TEX9: variants seen among roughly 807,000 people sequenced by gnomAD.
The protein encoded by TEX9 is testis-expressed protein 9.
Under a neutral mutation model 59.6 loss-of-function variants are expected in TEX9, and 74 were observed. The observed-to-expected ratio is 1.24, with a 90% CI of 1.03 to 1.51. The LOEUF (loss-of-function observed/expected upper bound fraction) is 1.51, where lower values mean the gene tolerates loss of function less well. TEX9 is among the 40% of genes most tolerant of loss of function. TEX9 has a pLI of 0.00. For synonymous variants in TEX9, 186 were observed against 152.2 expected (o/e 1.22, Z -1.64); for missense variants, 522 against 447.8 (o/e 1.17, Z -1.49).
intron 1 of TEX9, among the ~76,000 whole-genome samples, chr15:56,302,213 C>T (rs2045375733): frequency 6.6e-6 from 1 of 152,062 alleles, no homozygotes; most frequent in Admixed American, 6.6e-5. Context: ...ACAGTCTGGG[C>T]ACAGTGGCTC....
chr15:56,267,934 A>T (rs1271942590), intron 1 of TEX9, among the ~76,000 whole-genome samples: 1 of 152,128 alleles, frequency 6.6e-6, no homozygotes, highest in South Asian at 2.1e-4. Context: ...GGCCATTTTC[A>T]CGATATTGAT....
chr15:56,396,597 A>G (rs1460269170), intron 9 of TEX9: 1 of 136,620 alleles, frequency 7.3e-6, no homozygotes, highest in Admixed American at 7.9e-5. Context: ...CAGTTAGCAT[A>G]AAACATTTGA....
chr15:56,364,140 AT>A (rs200071666), upstream of TEX9, among the ~76,000 whole-genome samples: 33 of 149,904 alleles, frequency 2.2e-4, no homozygotes, highest in Admixed American at 6.6e-4. Flanking sequence ...TAGTTTATCT[AT>A]TTTTTTTTCC....
intron 1 of TEX9, among the ~76,000 whole-genome samples, chr15:56,302,190 C>A (rs373659226): frequency 6.6e-6 from 1 of 152,054 alleles, no homozygotes; most frequent in Non-Finnish European, 1.5e-5. Context: ...AACTTCAAAT[C>A]AAAAAACCTC....
intron 1 of TEX9, among the ~76,000 whole-genome samples, chr15:56,273,344 T>A (rs2044593932): frequency 2.0e-5 from 3 of 152,180 alleles, no homozygotes; most frequent in Admixed American, 2.0e-4. Flanking sequence ...ATAATGCATG[T>A]CTCAATTAAT....
At chr15:56,267,831 G>T (rs1238382804) in intron 1 of TEX9, among the ~76,000 whole-genome samples, 1 of 152,160 alleles carries the variant, frequency 6.6e-6, no homozygotes, top group Non-Finnish European at 1.5e-5. Flanking sequence ...GGTTCCATAT[G>T]AACTTTAAAG....
chr15:56,278,693 C>T (rs942594804), intron 1 of TEX9, among the ~76,000 whole-genome samples: 2 of 152,142 alleles, frequency 1.3e-5, no homozygotes, highest in Non-Finnish European at 2.9e-5. Context: ...TTTCCACTTT[C>T]CCCACAGGCC....
At chr15:56,300,517 T>G (rs887794744) in intron 1 of TEX9, among the ~76,000 whole-genome samples, 3 of 151,762 alleles carry the variant, frequency 2.0e-5, no homozygotes, top group Admixed American at 2.0e-4. Flanking sequence ...ATCTGCTGAT[T>G]GTAGAGCCCT....
At chr15:56,395,583 C>T in intron 9 of TEX9, 1 of 152,134 alleles carries the variant, frequency 6.6e-6, no homozygotes, top group Non-Finnish European at 1.5e-5. Context: ...ATTTTACATT[C>T]CTACCAGTAG....
chr15:56,330,057 G>C (rs1479983610), intron 1 of TEX9, among the ~76,000 whole-genome samples: 1 of 151,962 alleles, frequency 6.6e-6, no homozygotes. Context: ...ACATAGAATG[G>C]AGCTCCAATA....
At chr15:56,415,247 C>A (rs1217008331) in intron 10 of TEX9, among the ~76,000 whole-genome samples, 1 of 151,824 alleles carries the variant, frequency 6.6e-6, no homozygotes, top group African/African-American at 2.4e-5. Flanking sequence ...TAAGTAGATC[C>A]CACTTGTCAG....
At chr15:56,335,833 T>G (rs1596099684) in intron 1 of TEX9, among the ~76,000 whole-genome samples, 1 of 152,180 alleles carries the variant, frequency 6.6e-6, no homozygotes, top group East Asian at 1.9e-4. Context: ...TGCAATGTAT[T>G]TAAACACAAA....
At position 56,394,162 on chromosome 15, in the gene TEX9, C is replaced by G. The variant is rs771195841; in HGVS notation, c.572-3C>G. The G allele has an allele frequency of 1.2e-6, 2 of 1,606,110 alleles. No individual in the cohort carries two copies. The highest frequency in any genetic ancestry group is 2.2e-5 in the East Asian group (1 of 44,584). Reference sequence around the variant, plus strand: ...CAGTAAATATAATTATTTAAATTCACAGAAGCACAGATCAGATTTCTAAAG... The same window carrying G: ...CAGTAAATATAATTATTTAAATTCAGAGAAGCACAGATCAGATTTCTAAAG... On this transcript the variant is annotated splice_region_variant and splice_polypyrimidine_tract_variant and intron_variant, in intron 7 of 12. Coordinates refer to ENST00000352903, the Ensembl canonical transcript of TEX9.
At chr15:56,319,633 C>G (rs966951979) in intron 1 of TEX9, among the ~76,000 whole-genome samples, 5 of 152,136 alleles carry the variant, frequency 3.3e-5, no homozygotes, top group African/African-American at 1.2e-4. Flanking sequence ...TTCTCAAAAT[C>G]CAACTTGTCT....
intron 1 of TEX9, among the ~76,000 whole-genome samples, chr15:56,324,181 CA>C (rs34168091): frequency 0.028 from 4,055 of 147,160 alleles, 170 homozygotes; most frequent in African/African-American, 0.095. Context: ...TCTGTAATTG[CA>C]AAAAAAAAAA....
At chr15:56,286,251 T>TG (rs2044950670) in intron 1 of TEX9, among the ~76,000 whole-genome samples, 1 of 152,088 alleles carries the variant, frequency 6.6e-6, no homozygotes, top group Non-Finnish European at 1.5e-5. Context: ...AAGGGGAAGT[T>TG]AAAAGAAAGG....
At chr15:56,328,972 C>T (rs1345464305) in intron 1 of TEX9, among the ~76,000 whole-genome samples, 1 of 152,036 alleles carries the variant, frequency 6.6e-6, no homozygotes, top group African/African-American at 2.4e-5. Context: ...GGCCCTTGGG[C>T]GAGATCGAGT....
At chr15:56,301,719 G>C (rs2045364294) in intron 1 of TEX9, among the ~76,000 whole-genome samples, 1 of 151,402 alleles carries the variant, frequency 6.6e-6, no homozygotes, top group Non-Finnish European at 1.5e-5. Context: ...AAGCATTAAA[G>C]AGAAATAAAG....
At chr15:56,430,534 T>C (rs3784552) in intron 12 of TEX9, among the ~76,000 whole-genome samples, 53,075 of 152,076 alleles carry the variant, frequency 0.35, 10,662 homozygotes, top group Non-Finnish European at 0.45. Flanking sequence ...AGTCACAGTG[T>C]GTCTCAGGTA....
Sources: gnomAD v4.1 joint callset for allele counts (sites outside exome capture counted in the v4.1 genomes callset) on GRCh38, gnomAD v4.1.1 for gene constraint, MANE v1.5 for transcripts, NCBI Gene and HGNC (gene_info 2026-07-23, HGNC 2026-07-21) for gene names.